The following DGKB variants were observed in gnomAD, a reference collection of about 807,000 sequenced individuals.
DGKB encodes 90 kDa diacylglycerol kinase.
In DGKB, 67 loss-of-function variants were observed where a neutral mutation model predicts 114.3. That is an observed-to-expected ratio of 0.59 (90% CI 0.48 to 0.72). The LOEUF (loss-of-function observed/expected upper bound fraction) is 0.72, where lower values mean the gene tolerates loss of function less well. Among genes scored for constraint, DGKB ranks in the 30% least tolerant of loss-of-function variants. The pLI, the probability that DGKB is intolerant of heterozygous loss-of-function variation, is 0.00. For synonymous variants in DGKB, 398 were observed against 323.1 expected, an observed-to-expected ratio of 1.23 and a Z score of -2.49; for missense variants, 907 against 975.2, an observed-to-expected ratio of 0.93 and a Z score of 0.93.
chr7:14,543,475 A>C (rs752827552), intron 20 of DGKB, among the ~76,000 whole-genome samples: 50 of 152,168 alleles, frequency 3.3e-4, no homozygotes, highest in Non-Finnish European at 4.4e-4. Context: ...AAAAGAAAGA[A>C]AGACCTAAAT....
At chr7:14,260,087 TACACACACACACACACACATGAACACAC>T (rs201521052) in intron 23 of DGKB, among the ~76,000 whole-genome samples, 24,468 of 150,940 alleles carry the variant, frequency 0.16, 2,401 homozygotes, top group African/African-American at 0.28. Context: ...TACATATGTG[TACACACACACACACACACATGAACACAC>T]ACACACACAC....
intron 23 of DGKB, among the ~76,000 whole-genome samples, chr7:14,240,298 A>T (rs1359059156): frequency 2.6e-5 from 4 of 152,128 alleles, no homozygotes; most frequent in Non-Finnish European, 5.9e-5. Flanking sequence ...TACGATCATT[A>T]TGTAGTACTT....
At chr7:14,919,498 T>G (rs1784414700) in intron 1 of DGKB, among the ~76,000 whole-genome samples, 2 of 152,094 alleles carry the variant, frequency 1.3e-5, no homozygotes, top group Non-Finnish European at 2.9e-5. Flanking sequence ...CAAAACAGAT[T>G]ATAGGAATAA....
At chr7:14,789,259 T>C (rs551806618) in intron 2 of DGKB, among the ~76,000 whole-genome samples, 109 of 152,238 alleles carry the variant, frequency 7.2e-4, no homozygotes, top group Non-Finnish European at 1.1e-3. Context: ...ACCAACACTG[T>C]CACCACAAAG....
chr7:14,762,878 C>A (rs141676162), intron 2 of DGKB, among the ~76,000 whole-genome samples: 47 of 152,214 alleles, frequency 3.1e-4, no homozygotes, highest in African/African-American at 1.1e-3. Flanking sequence ...TCTGGCAATA[C>A]TGTGTCTAGC....
chr7:14,933,240 C>T (rs1452865135), intron 1 of DGKB, among the ~76,000 whole-genome samples: 3 of 152,208 alleles, frequency 2.0e-5, no homozygotes, highest in Admixed American at 2.0e-4. Flanking sequence ...CGATTATTTT[C>T]TATCAACAGA....
intron 20 of DGKB, among the ~76,000 whole-genome samples, chr7:14,486,060 C>CT (rs1034124944): frequency 2.6e-5 from 4 of 152,032 alleles, no homozygotes; most frequent in African/African-American, 9.7e-5. Context: ...CCACTTCATT[C>CT]TTTTTTTTAA....
At chr7:14,709,098 T>C (rs1585863495) in intron 6 of DGKB, among the ~76,000 whole-genome samples, 1 of 147,514 alleles carries the variant, frequency 6.8e-6, no homozygotes, top group Non-Finnish European at 1.5e-5. Context: ...GAATCTACAA[T>C]GAACTCAAAC....
At chr7:14,256,466 TTTTA>T (rs1795991027) in intron 23 of DGKB, among the ~76,000 whole-genome samples, 1 of 148,372 alleles carries the variant, frequency 6.7e-6, no homozygotes, top group South Asian at 2.1e-4. Context: ...AAAATAAATA[TTTTA>T]TTTATTTATT....
Position 14,343,853 on chromosome 7 carries a change from A to AAC in DGKB, c.1926+1446_1926+1447dup, listed in dbSNP as rs200047816. Among the ~76,000 whole-genome samples the AAC allele has an allele frequency of 4.3e-3, 635 of 149,050 alleles. 10 individuals carry two copies. The highest frequency in any genetic ancestry group is 0.029 in the East Asian group (150 of 5,136). ...TGCACATAAATATGTATATGTATATAACAATACATATGACACATATATAAC... is the reference window on the plus strand; with the variant it reads ...TGCACATAAATATGTATATGTATATAACACAATACATATGACACATATATAAC... On this transcript the variant is annotated intron_variant, in intron 22 of 25. Transcript: ENST00000402815.
intron 13 of DGKB, among the ~76,000 whole-genome samples, chr7:14,632,095 A>G (rs1273469593): frequency 6.6e-6 from 1 of 152,044 alleles, no homozygotes; most frequent in Admixed American, 6.6e-5. Context: ...ATGGTTCAGA[A>G]TAACAACCAA....
chr7:14,756,822 A>G (rs932406882), intron 3 of DGKB, among the ~76,000 whole-genome samples: 2 of 152,050 alleles, frequency 1.3e-5, no homozygotes, highest in African/African-American at 4.8e-5. Context: ...ACATCCTGAC[A>G]AAAGGGTCTT....
chr7:14,305,751 C>A (rs1804360535), intron 23 of DGKB, among the ~76,000 whole-genome samples: 1 of 152,058 alleles, frequency 6.6e-6, no homozygotes. Flanking sequence ...TGTAATGATC[C>A]CTATATTCTC....
chr7:14,965,867 C>A (rs1383868823), intron 1 of DGKB, among the ~76,000 whole-genome samples: 1 of 152,046 alleles, frequency 6.6e-6, no homozygotes, highest in African/African-American at 2.4e-5. Context: ...CATAGGCATA[C>A]TCTAAAATAG....
intron 4 of DGKB, among the ~76,000 whole-genome samples, chr7:14,752,337 A>AG (rs34978381): frequency 0.36 from 54,073 of 151,986 alleles, 13,312 homozygotes; most frequent in African/African-American, 0.69. Flanking sequence ...TTCCTTATTA[A>AG]GGGTAAAAGC....
chr7:14,712,169 A>G (rs1827464826), intron 6 of DGKB, among the ~76,000 whole-genome samples: 1 of 152,208 alleles, frequency 6.6e-6, no homozygotes, highest in African/African-American at 2.4e-5. Flanking sequence ...ATCACCAGGT[A>G]TAAAAGATGT....
intron 1 of DGKB, among the ~76,000 whole-genome samples, chr7:14,922,384 G>GTGTGTA (rs1554345689): frequency 0.26 from 37,633 of 146,800 alleles, 5,417 homozygotes; most frequent in East Asian, 0.71. Flanking sequence ...TCGTGTGTGT[G>GTGTGTA]TGTGTGTGTG....
intron 21 of DGKB, among the ~76,000 whole-genome samples, chr7:14,388,953 G>A (rs1485535772): frequency 6.6e-6 from 1 of 152,164 alleles, no homozygotes; most frequent in African/African-American, 2.4e-5. Flanking sequence ...TTCTAAGCAT[G>A]AAGACAAGCA....
intron 13 of DGKB, among the ~76,000 whole-genome samples, chr7:14,637,123 T>C (rs1310809804): frequency 6.6e-6 from 1 of 151,926 alleles, no homozygotes; most frequent in Non-Finnish European, 1.5e-5. Context: ...GGTGTATAGT[T>C]ATATTCAATA....
Sources: allele counts gnomAD v4.1 joint callset (sites outside exome capture counted in the v4.1 genomes callset), GRCh38; gene constraint gnomAD v4.1.1; transcripts MANE v1.5; gene names NCBI Gene and HGNC (gene_info 2026-07-23, HGNC 2026-07-21).